Variants in GPR158 observed in about 807,000 individuals in gnomAD.
GPR158 encodes G protein-coupled receptor 158.
GPR158 carries 30 observed loss-of-function variants against 78.2 expected under a neutral mutation model. The ratio of observed to expected loss-of-function variants is 0.38; its 90% CI spans 0.29 to 0.52. GPR158 has a LOEUF of 0.52. Among genes scored for constraint, GPR158 ranks in the 20% least tolerant of loss-of-function variants. GPR158 has a pLI of 0.83. For missense variants in GPR158, 1,463 were observed against 1,523.5 expected (o/e 0.96, Z 0.66); for synonymous variants, 581 against 591.1 (o/e 0.98, Z 0.25).
chr10:25,581,074 G>A (rs1422145113), intron 7 of GPR158, among the ~76,000 whole-genome samples: 2 of 150,596 alleles, frequency 1.3e-5, no homozygotes, highest in Non-Finnish European at 1.5e-5. Context: ...ACAGGCGCCC[G>A]CCACCGCGCC....
chr10:25,578,625 A>G (rs1837139301), intron 7 of GPR158, among the ~76,000 whole-genome samples: 2 of 152,248 alleles, frequency 1.3e-5, no homozygotes, highest in African/African-American at 4.8e-5. Context: ...AAAAAAGATT[A>G]CATAGTGTAA....
At chr10:25,292,248 C>T (rs2807254) in intron 2 of GPR158, among the ~76,000 whole-genome samples, 36,867 of 151,854 alleles carry the variant, frequency 0.24, 5,994 homozygotes, top group African/African-American at 0.46. Context: ...CTCAAAATTC[C>T]GTGTCCTTTG....
At chr10:25,212,627 C>CATTT (rs1853148467) in intron 1 of GPR158, among the ~76,000 whole-genome samples, 1 of 78,578 alleles carries the variant, frequency 1.3e-5, no homozygotes, top group Admixed American at 1.7e-4. Flanking sequence ...GAATTTATAG[C>CATTT]TTTTTTTTTT....
In GPR158 at chr10:25,598,320, G is replaced by A. The variant is rs138729337; in HGVS notation, c.2694G>A (p.Met898Ile). Residue 898 changes from methionine (M) to isoleucine (I), a missense_variant, in exon 11 of 11, where the codon ATG becomes ATA. Physicochemically the swap from Met to Ile is conservative, Grantham distance 10 (BLOSUM62 1). Coordinates refer to ENST00000376351, the MANE Select transcript of GPR158 (RefSeq NM_020752.3). The stretch of plus-strand genomic sequence containing the variant: ...AAACTGGGCACCCACGAACATCGAT[G>A]TTACAGAAGTCTCTCAGTGTCATAG... ...EKKTGHPRTS[M>I]LQKSLSVIAS... The A allele has an allele frequency of 1.2e-6, 2 of 1,613,990 alleles. No individual in the cohort carries two copies. The highest frequency in any genetic ancestry group is 1.7e-6 in the Non-Finnish European group (2 of 1,180,030).
In GPR158 at chr10:25,250,918, A is replaced by C. The variant is rs1285921623; in HGVS notation, c.1008+29761A>C. Among the ~76,000 whole-genome samples the C allele has an allele frequency of 3.3e-5, 5 of 151,336 alleles. No homozygotes were observed. In the South Asian group the frequency reaches 8.4e-4, roughly 26 times the overall value. On this transcript the variant is annotated intron_variant, in intron 2 of 10. Coordinates refer to ENST00000376351, the MANE Select transcript of GPR158 (RefSeq NM_020752.3). ...GTCTAATGTTGACAGTGGGGTGTTA[A>C]AGTCTCCCATTATTATTGTGTGGGC...
At chr10:25,547,316 A>C (rs941624231) in intron 5 of GPR158, among the ~76,000 whole-genome samples, 4 of 151,982 alleles carry the variant, frequency 2.6e-5, no homozygotes, top group Middle Eastern at 3.4e-3. Context: ...TCCTGGAATA[A>C]AATCTGAATT....
intron 5 of GPR158, among the ~76,000 whole-genome samples, chr10:25,534,974 TGGAGAAGGCA>T (rs1445011339): frequency 2.2e-4 from 33 of 152,222 alleles, no homozygotes; most frequent in Non-Finnish European, 1.8e-4. Flanking sequence ...TAGACTCTGT[TGGAGAAGGCA>T]GCCTTACTGG....
At chr10:25,537,585 A>G (rs1160247636) in intron 5 of GPR158, among the ~76,000 whole-genome samples, 2 of 152,082 alleles carry the variant, frequency 1.3e-5, no homozygotes, top group Non-Finnish European at 2.9e-5. Context: ...TATTATTGAA[A>G]ATTAACCTTT....
At chr10:25,432,634 C>G (rs1440438160) in intron 4 of GPR158, among the ~76,000 whole-genome samples, 1 of 151,974 alleles carries the variant, frequency 6.6e-6, no homozygotes, top group Non-Finnish European at 1.5e-5. Context: ...AGTATTTAAC[C>G]ATCACATTCC....
At chr10:25,306,294 C>A (rs979503955) in intron 2 of GPR158, among the ~76,000 whole-genome samples, 2 of 152,148 alleles carry the variant, frequency 1.3e-5, no homozygotes, top group Non-Finnish European at 2.9e-5. Flanking sequence ...CTGGGCTTCT[C>A]CAGCCTTAGT....
intron 2 of GPR158, among the ~76,000 whole-genome samples, chr10:25,273,001 C>G (rs757418775): frequency 6.6e-6 from 1 of 152,190 alleles, no homozygotes; most frequent in Non-Finnish European, 1.5e-5. Flanking sequence ...GAAACAAAGG[C>G]TGTATCTTAC....
chr10:25,214,708 G>T (rs1159100581), intron 1 of GPR158, among the ~76,000 whole-genome samples: 1 of 151,860 alleles, frequency 6.6e-6, no homozygotes, highest in African/African-American at 2.4e-5. Flanking sequence ...GGTCATTTAG[G>T]GTGGGTCCTA....
intron 5 of GPR158, among the ~76,000 whole-genome samples, chr10:25,538,191 C>T (rs1836525315): frequency 6.6e-6 from 1 of 151,808 alleles, no homozygotes; most frequent in Non-Finnish European, 1.5e-5. Flanking sequence ...GAAGCCAAAT[C>T]AGAGCCAAAG....
chr10:25,183,839 C>T (rs1852645886), intron 1 of GPR158, among the ~76,000 whole-genome samples: 1 of 152,168 alleles, frequency 6.6e-6, no homozygotes, highest in Non-Finnish European at 1.5e-5. Flanking sequence ...GAATTTGACA[C>T]ATGGCTTTTA....
intron 2 of GPR158, among the ~76,000 whole-genome samples, chr10:25,323,349 C>T (rs1047748131): frequency 2.0e-5 from 3 of 152,076 alleles, no homozygotes; most frequent in Non-Finnish European, 4.4e-5. Flanking sequence ...TCACCAGCTG[C>T]ATTAGATCCT....
At chr10:25,200,515 T>C (rs972926266) in intron 1 of GPR158, among the ~76,000 whole-genome samples, 1 of 152,194 alleles carries the variant, frequency 6.6e-6, no homozygotes, top group African/African-American at 2.4e-5. Flanking sequence ...AGCTCTTTAA[T>C]TAGGTTCCAT....
chr10:25,179,499 G>A (rs752568185), intron 1 of GPR158, among the ~76,000 whole-genome samples: 14 of 151,930 alleles, frequency 9.2e-5, no homozygotes, highest in East Asian at 3.9e-4. Context: ...AATATAAATC[G>A]AAAGCATGAA....
At position 25,598,735 on chromosome 10, in the gene GPR158, G is replaced by C. The variant is rs12412738; in HGVS notation, c.3109G>C (p.Glu1037Gln). ...KHVSIVASEM[E>Q]KNPTFSLKEK... is the part of the protein sequence containing the mutation. ...CGTATCTATTGTGGCTTCTGAAATG[G>C]AGAAAAACCCCACTTTTTCCTTAAA... The change falls in exon 11 of 11, where the codon GAG becomes CAG. Residue 1037 changes from glutamate (E) to glutamine (Q), a missense_variant. By Grantham distance (29) the Glu-to-Gln change is conservative. Coordinates refer to ENST00000376351, the MANE Select transcript of GPR158 (RefSeq NM_020752.3). 3 of 1,614,028 alleles carry C rather than the reference G, an allele frequency of 1.9e-6. No homozygotes were observed. In the Admixed American group the frequency reaches 5.0e-5, roughly 27 times the overall value.
intron 6 of GPR158, among the ~76,000 whole-genome samples, chr10:25,562,383 A>AAAGAT (rs1836871460): frequency 1.3e-5 from 2 of 152,128 alleles, no homozygotes; most frequent in Non-Finnish European, 2.9e-5. Flanking sequence ...CCTTAAAGTA[A>AAAGAT]AAGATAAGGT....
Sources: allele counts gnomAD v4.1 joint callset (sites outside exome capture counted in the v4.1 genomes callset), GRCh38; gene constraint gnomAD v4.1.1; transcripts MANE v1.5; gene names NCBI Gene and HGNC (gene_info 2026-07-23, HGNC 2026-07-21).